Variants in NPFFR2 observed in about 807,000 individuals in gnomAD.
NPFFR2 encodes the protein neuropeptide FF receptor 2.
In NPFFR2, 15 loss-of-function variants were observed where a neutral mutation model predicts 13.1. That is an observed-to-expected ratio of 1.15 (90% CI 0.77 to 1.76). The LOEUF (loss-of-function observed/expected upper bound fraction) is 1.76, where lower values mean the gene tolerates loss of function less well. Ranked by LOEUF, NPFFR2 falls within the 40% of genes most tolerant of loss-of-function variation. The pLI, the probability that NPFFR2 is intolerant of heterozygous loss-of-function variation, is 0.00. For synonymous variants in NPFFR2, 190 were observed against 175.7 expected (o/e 1.08, Z -0.65); for missense variants, 572 against 503.5 (o/e 1.14, Z -1.30).
intron 1 of NPFFR2, among the ~76,000 whole-genome samples, chr4:72,040,823 A>T (rs927218277): frequency 7.2e-5 from 11 of 151,854 alleles, no homozygotes; most frequent in Non-Finnish European, 1.3e-4. Context: ...AAGAAATTTT[A>T]AAATCTTTCA....
rs1341571145 is a variant in NPFFR2 at position 72,127,355 on chromosome 4, C to CTT, written c.-7-1227_-7-1226dup. 3.5e-4 allele frequency among the ~76,000 whole-genome samples: 32 copies of CTT among 91,200 alleles called. 4 individuals carry two copies. The highest frequency in any genetic ancestry group is 1.4e-3 in the African/African-American group (30 of 21,706). The allele number at this position is 91,200 out of a possible 152,430, so 59.8% of individuals were successfully genotyped here. A position where few individuals can be genotyped will look rare whatever the true frequency, so the allele number is the denominator to read the frequency against. On this transcript the variant is annotated intron_variant, in intron 1 of 3. Coordinates refer to ENST00000308744, the MANE Select transcript of NPFFR2 (RefSeq NM_004885.3). ...AAGTCATACAGATTCTAAATAATTT[C>CTT]TTTTCTTTTTTTTTTTTTTTTTTTT...
At chr4:72,080,235 G>A (rs375986076) in intron 1 of NPFFR2, among the ~76,000 whole-genome samples, 16 of 151,440 alleles carry the variant, frequency 1.1e-4, no homozygotes, top group African/African-American at 2.4e-4. Flanking sequence ...TGCAATCTCC[G>A]CTCACTGCAA....
intron 1 of NPFFR2, among the ~76,000 whole-genome samples, chr4:72,126,416 T>C (rs1722045241): frequency 6.6e-6 from 1 of 152,222 alleles, no homozygotes; most frequent in South Asian, 2.1e-4. Flanking sequence ...TGGGCAGATA[T>C]AACCTTCTGT....
chr4:72,138,882 T>G (rs1722505818), intron 3 of NPFFR2, among the ~76,000 whole-genome samples: 1 of 152,306 alleles, frequency 6.6e-6, no homozygotes, highest in Non-Finnish European at 1.5e-5. Flanking sequence ...CTACCAACAG[T>G]GTAAAAGTGT....
At chr4:72,079,403 A>G (rs1218831374) in intron 1 of NPFFR2, among the ~76,000 whole-genome samples, 2 of 152,204 alleles carry the variant, frequency 1.3e-5, no homozygotes, top group Non-Finnish European at 2.9e-5. Flanking sequence ...TGATGCATGC[A>G]AATTATTGCT....
chr4:72,081,728 C>T (rs1720628258), intron 1 of NPFFR2, among the ~76,000 whole-genome samples: 1 of 152,052 alleles, frequency 6.6e-6, no homozygotes, highest in Admixed American at 6.6e-5. Context: ...TGGGCTCAAG[C>T]AGTCCTCCCG....
chr4:72,090,931 C>T (rs1720899875), intron 1 of NPFFR2, among the ~76,000 whole-genome samples: 1 of 152,126 alleles, frequency 6.6e-6, no homozygotes, highest in Non-Finnish European at 1.5e-5. Context: ...AACTTTTCCC[C>T]ATTCAGCATA....
Position 72,148,223 on chromosome 4 carries a change from A to C in NPFFR2, c.*411A>C, listed in dbSNP as rs1377161741. Among the ~76,000 whole-genome samples, 1 of 152,232 alleles carries C rather than the reference A, an allele frequency of 6.6e-6. No homozygotes were observed. The highest frequency in any genetic ancestry group is 1.5e-5 in the Non-Finnish European group (1 of 68,038). On this transcript the variant is annotated 3_prime_UTR_variant, in exon 4 of 4. Coordinates refer to ENST00000308744, the MANE Select transcript of NPFFR2 (RefSeq NM_004885.3). ...ATTTCTCCTTTGATTTTGGATTTAA[A>C]ATTTTAGATTACAAGACTATTACTC...
At chr4:72,061,087 GT>G (rs1719907099) in intron 1 of NPFFR2, among the ~76,000 whole-genome samples, 3 of 152,134 alleles carry the variant, frequency 2.0e-5, no homozygotes, top group South Asian at 2.1e-4. Flanking sequence ...CTGGCTGTAG[GT>G]TTTAGAAATC....
chr4:72,102,373 AG>A (rs775890536), intron 1 of NPFFR2, among the ~76,000 whole-genome samples: 6 of 150,958 alleles, frequency 4.0e-5, no homozygotes, highest in Non-Finnish European at 8.8e-5. Flanking sequence ...TGTATGAATG[AG>A]GAAATTATTA....
chr4:72,077,357 A>G (rs7692984), intron 1 of NPFFR2, among the ~76,000 whole-genome samples: 135,698 of 151,862 alleles, frequency 0.89, 61,669 homozygotes, highest in Non-Finnish European at 0.98. Context: ...AGGGCCTGTC[A>G]TGGGCCAGGA....
chr4:72,084,529 C>T (rs1379573264), intron 1 of NPFFR2, among the ~76,000 whole-genome samples: 1 of 152,150 alleles, frequency 6.6e-6, no homozygotes, highest in Admixed American at 6.6e-5. Flanking sequence ...AATAAACTAA[C>T]TTTGGTTTAT....
rs544516559 is a variant in NPFFR2 at position 72,104,985 on chromosome 4, A to T, written c.-7-23600A>T. Among the ~76,000 whole-genome samples the T allele has an allele frequency of 2.0e-5, 3 of 151,676 alleles. No homozygotes were observed. In the East Asian group the frequency reaches 5.8e-4, roughly 29 times the overall value. On this transcript the variant is annotated intron_variant, in intron 1 of 3. Coordinates refer to ENST00000308744, the MANE Select transcript of NPFFR2 (RefSeq NM_004885.3). ...TAAACAACAGTATGACAAATTTTCTATCAAATTTTAAAAATGTAGGAAGTA... is the reference window on the plus strand; with the variant it reads ...TAAACAACAGTATGACAAATTTTCTTTCAAATTTTAAAAATGTAGGAAGTA...
intron 1 of NPFFR2, among the ~76,000 whole-genome samples, chr4:72,051,819 A>G (rs1229691162): frequency 1.3e-5 from 2 of 152,084 alleles, no homozygotes; most frequent in African/African-American, 4.8e-5. Flanking sequence ...GGATATCACC[A>G]CCGATCCCAC....
chr4:72,143,849 T>C (rs1050394012), intron 3 of NPFFR2, among the ~76,000 whole-genome samples: 3 of 152,130 alleles, frequency 2.0e-5, no homozygotes, highest in African/African-American at 7.2e-5. Context: ...AGCCCTCAAC[T>C]AAAATCTCAT....
At chr4:72,102,502 A>G (rs976626814) in intron 1 of NPFFR2, among the ~76,000 whole-genome samples, 1 of 150,372 alleles carries the variant, frequency 6.7e-6, no homozygotes, top group African/African-American at 2.4e-5. Flanking sequence ...CATTAGGTAT[A>G]TCTCCTAATG....
At chr4:72,121,816 A>G (rs1721889832) in intron 1 of NPFFR2, among the ~76,000 whole-genome samples, 1 of 152,220 alleles carries the variant, frequency 6.6e-6, no homozygotes, top group Non-Finnish European at 1.5e-5. Context: ...TGTAAAGACC[A>G]TCAACGCTAT....
At chr4:72,108,891 C>G (rs982775665) in intron 1 of NPFFR2, among the ~76,000 whole-genome samples, 7 of 151,970 alleles carry the variant, frequency 4.6e-5, no homozygotes, top group Non-Finnish European at 8.8e-5. Context: ...TCCATTTTAA[C>G]ATGTTTTTAA....
At chr4:72,087,006 G>C (rs1720791215) in intron 1 of NPFFR2, among the ~76,000 whole-genome samples, 1 of 152,036 alleles carries the variant, frequency 6.6e-6, no homozygotes, top group Admixed American at 6.6e-5. Flanking sequence ...GAGAAATTGG[G>C]AGAGAAAAAG....
Sources: gnomAD v4.1 joint callset for allele counts (sites outside exome capture counted in the v4.1 genomes callset) on GRCh38, gnomAD v4.1.1 for gene constraint, MANE v1.5 for transcripts, NCBI Gene and HGNC (gene_info 2026-07-23, HGNC 2026-07-21) for gene names.